The following ADAMTS13 variants were observed in gnomAD, a reference collection of about 807,000 sequenced individuals.
The protein encoded by ADAMTS13 is ADAM metallopeptidase with thrombospondin type 1 motif 13.
Under a neutral mutation model 155.1 loss-of-function variants are expected in ADAMTS13, and 110 were observed. That is an observed-to-expected ratio of 0.71 (90% CI 0.61 to 0.83). The LOEUF is 0.83. ADAMTS13 is among the 40% of genes least tolerant of loss of function. ADAMTS13 has a pLI of 0.00. For synonymous variants in ADAMTS13, 758 were observed against 756.4 expected, an observed-to-expected ratio of 1.00 and a Z score of -0.03; for missense variants, 1,707 against 1,891.7, an observed-to-expected ratio of 0.90 and a Z score of 1.81.
intron 7 of ADAMTS13, among the ~76,000 whole-genome samples, chr9:133,429,378 C>T (rs1461068240): frequency 2.0e-5 from 3 of 146,904 alleles, no homozygotes; most frequent in East Asian, 2.0e-4. Flanking sequence ...CCCCATCCCG[C>T]CCCTTGACTC....
Position 133,425,983 on chromosome 9 carries a change from G to A in ADAMTS13, c.460G>A (p.Val154Ile), listed in dbSNP as rs369026148. Reference sequence around the variant, plus strand: ...CAACCTCACCTCGTCCCTGCTGAGCGTCTGTGGGTGGAGCCAGACCATCAA... The same window carrying A: ...CAACCTCACCTCGTCCCTGCTGAGCATCTGTGGGTGGAGCCAGACCATCAA... The part of the protein sequence containing the change: ...TANLTSSLLS[V>I]CGWSQTINPE... Residue 154 changes from valine to isoleucine, a missense_variant, in exon 5 of 29, where the codon GTC becomes ATC. Physicochemically the swap from Val to Ile is conservative, Grantham distance 29. Transcript: ENST00000355699. This position sits in a 1 kb window ranked among gnomAD's most constrained non-coding sequence, Gnocchi z 4.6. The A allele has an allele frequency of 1.5e-5, 24 of 1,613,866 alleles. No homozygotes were observed. The highest frequency in any genetic ancestry group is 1.7e-5 in the Non-Finnish European group (20 of 1,180,056).
At position 133,442,705 on chromosome 9, in the gene ADAMTS13, G is replaced by A. The variant is rs781888677; in HGVS notation, c.2196G>A (p.Ala732=). ...GCCAAGGGAGCCAGCAGCCACCAGC[G>A]TGGCCAGAGGCCTGCGTGCTCGAAC... The part of the protein sequence containing the change: ...VQCQGSQQPP[A]WPEACVLEPC... Residue 732 remains alanine (A), a synonymous_variant, in exon 18 of 29, where the codon GCG becomes GCA. Transcript: ENST00000355699. 1.4e-5 allele frequency: 22 copies of A among 1,612,958 alleles called. No homozygotes were observed. In the South Asian group the frequency reaches 1.5e-4, roughly 11 times the overall value.
chr9:133,450,065 A>G (rs1842339224), intron 23 of ADAMTS13, 100 bp downstream of exon 23: 1 of 1,418,482 alleles, frequency 7.0e-7, no homozygotes, highest in African/African-American at 1.4e-5. Context: ...TGGAAAGCTG[A>G]ATCAGGAGAA....
intron 23 of ADAMTS13, 83 bp downstream of exon 23, chr9:133,450,048 A>G (rs1842338463): frequency 6.7e-7 from 1 of 1,487,912 alleles, no homozygotes; most frequent in South Asian, 1.2e-5. Context: ...CTGTAATCGC[A>G]GCTACTTGGA....
At chr9:133,422,264 A>C (rs1840000937), upstream of ADAMTS13, 5 of 634,992 alleles carry the variant, frequency 7.9e-6, no homozygotes, top group Non-Finnish European at 1.4e-5. Context: ...CAGCAGGAGG[A>C]GCTGCAGGCC....
Position 133,436,883 on chromosome 9 carries a change from G to T in ADAMTS13, c.1363G>T (p.Gly455Cys), listed in dbSNP as rs587613923. 2 of 1,586,976 alleles carry T rather than the reference G, an allele frequency of 1.3e-6. No homozygotes were observed. Among genetic ancestry groups the T allele is most frequent in the Non-Finnish European group, 1.7e-6 (2 of 1,167,700 alleles). The change falls in exon 12 of 29, where the codon GGC (glycine) becomes TGC (cysteine). Residue 455 changes from glycine to cysteine, a missense_variant. Physicochemically the swap from Gly to Cys is radical, Grantham distance 159. Around this residue, in one of 3 missense-constraint regions of ADAMTS13, gnomAD observed 733 missense variants for 749.6 expected, o/e 0.98. Coordinates refer to ENST00000355699, the MANE Select transcript of ADAMTS13 (RefSeq NM_139027.6). ...FMSQQCARTDGQPLRSSPGGA... is the reference protein window; with the variant it reads ...FMSQQCARTDCQPLRSSPGGA... ...GTCGCAACAGTGCGCCAGGACCGAC[G>T]GCCAGCCGCTGCGCTCCTCCCCTGG... is the stretch of plus-strand genomic sequence containing the variant.
intron 11 of ADAMTS13, among the ~76,000 whole-genome samples, chr9:133,435,533 A>AT (rs71503347): frequency 0.074 from 7,888 of 106,024 alleles, 321 homozygotes; most frequent in Non-Finnish European, 0.11. Flanking sequence ...TTCTTTCTTT[A>AT]TTTTTTTTTT....
rs1840238738 is a variant in ADAMTS13 at position 133,425,748 on chromosome 9, G to GC, written c.414+137dup. The GC allele has an allele frequency of 2.9e-6, 4 of 1,388,598 alleles. No individual in the cohort carries two copies. Among genetic ancestry groups the GC allele is most frequent in the African/African-American group, 1.4e-5 (1 of 69,828 alleles). 86.0% of individuals were successfully genotyped at this position (1,388,598 alleles called of 1,614,324 possible). A position where few individuals can be genotyped will look rare whatever the true frequency, so the allele number is the denominator to read the frequency against. ...AGAATGCATTCAGCCAGACAGACCA[G>GC]CTGCCCTCCCAGCTCTACCCAGCAC... On this transcript the variant is annotated intron_variant, in intron 4 of 28. Transcript: ENST00000355699. The surrounding 1 kb of genome is among the most constrained non-coding windows in gnomAD (Gnocchi z 4.6).
chr9:133,417,784 C>T (rs782165106), upstream of ADAMTS13: 14 of 1,610,468 alleles, frequency 8.7e-6, no homozygotes, highest in African/African-American at 1.3e-5. Flanking sequence ...TTGACAGGAC[C>T]CGGCTTAGCC....
intron 21 of ADAMTS13, among the ~76,000 whole-genome samples, chr9:133,446,352 G>A (rs1027491691): frequency 2.0e-5 from 3 of 152,020 alleles, no homozygotes; most frequent in African/African-American, 7.3e-5. Flanking sequence ...TTCCCCCTCC[G>A]CAGCCCCTGG....
chr9:133,424,326 C>A lies in ADAMTS13; in HGVS notation c.178C>A (p.Pro60Thr), dbSNP rs370611753. Residue 60 changes from proline (P) to threonine (T), a missense_variant, in exon 3 of 29, where the codon CCT (proline) becomes ACT (threonine). Physicochemically the swap from Pro to Thr is conservative, Grantham distance 38. Coordinates refer to ENST00000355699, the MANE Select transcript of ADAMTS13 (RefSeq NM_139027.6). This position sits in a 1 kb window ranked among gnomAD's most constrained non-coding sequence, Gnocchi z 4.3. ...CTCTCCCTCTCCCCCTCCAGGCCGC[C>A]CTCCTTCCCCTGGCTTCCAGAGGCA... ...LSPGAPLKGR[P>T]PSPGFQRQRQ... is the part of the protein sequence containing the mutation. The A allele has an allele frequency of 1.2e-6, 2 of 1,612,612 alleles. No individual in the cohort carries two copies. Among genetic ancestry groups the A allele is most frequent in the African/African-American group, 2.7e-5 (2 of 75,002 alleles).
upstream of ADAMTS13, among the ~76,000 whole-genome samples, chr9:133,418,250 C>G (rs1447625589): frequency 6.6e-6 from 1 of 152,204 alleles, no homozygotes; most frequent in East Asian, 1.9e-4. Flanking sequence ...AACTGGGGGG[C>G]CGCTGTGTGT....
rs782121365 is a variant in ADAMTS13, at chr9:133,444,843, CTG to C, written c.2421-18_2421-17del. On this transcript the variant is annotated intron_variant, in intron 19 of 28. Transcript: ENST00000355699. ...GGGTGGCAGAGGCAGGGCCTGATGACTGTCTCATGCCATCCTCAGGTGGGAGG... is the reference window on the plus strand; with the variant it reads ...GGGTGGCAGAGGCAGGGCCTGATGACTCTCATGCCATCCTCAGGTGGGAGG... 3 of 1,611,822 alleles carry C rather than the reference CTG, an allele frequency of 1.9e-6. No individual in the cohort carries two copies.
chr9:133,441,126 C>T lies in ADAMTS13; in HGVS notation c.1968+601C>T, dbSNP rs1841638369. 6.6e-6 allele frequency among the ~76,000 whole-genome samples: 1 copy of T among 152,162 alleles called. No individual in the cohort carries two copies. The highest frequency in any genetic ancestry group is 1.5e-5 in the Non-Finnish European group (1 of 68,012). On this transcript the variant is annotated intron_variant, in intron 16 of 28. Coordinates refer to ENST00000355699, the MANE Select transcript of ADAMTS13 (RefSeq NM_139027.6). This position sits in a 1 kb window ranked among gnomAD's most constrained non-coding sequence, Gnocchi z 5.0. Reference sequence around the variant, plus strand: ...ACGTGTGCTCGCCCATGTATGTCCCCATTGGTGCTTCGCTGAGGAAGGCAC... The same window carrying T: ...ACGTGTGCTCGCCCATGTATGTCCCTATTGGTGCTTCGCTGAGGAAGGCAC...
At position 133,426,250 on chromosome 9, in the gene ADAMTS13, G is replaced by C; in HGVS notation, c.591G>C (p.Gln197His). 6.2e-7 allele frequency: 1 copy of C among 1,612,896 alleles called. No homozygotes were observed. Among genetic ancestry groups the C allele is most frequent in the Non-Finnish European group, 8.5e-7 (1 of 1,179,998 alleles). ...DGNRQVRGVT[Q>H]LGGACSPTWS... The stretch of plus-strand genomic sequence containing the variant: ...ACCGGCAGGTGCGGGGCGTCACCCA[G>C]CTGGGCGGTGCCTGCTCCCCAACCT... The change falls in exon 6 of 29, where the codon CAG becomes CAC. Residue 197 changes from glutamine to histidine, a missense_variant. This residue lies in a region of ADAMTS13 where 733 missense variants were observed against 749.6 expected (regional missense o/e 0.98). Transcript: ENST00000355699.
chr9:133,458,898 C>A, intron 28 of ADAMTS13, 76 bp from the exon 29 acceptor site: 2 of 1,292,664 alleles, frequency 1.5e-6, no homozygotes, highest in Non-Finnish European at 2.2e-6. Flanking sequence ...ATCTGTGAGC[C>A]CTTGCACACG....
chr9:133,455,779 T>C lies in ADAMTS13; in HGVS notation c.3401-290T>C. The C allele has an allele frequency of 3.2e-6, 3 of 930,272 alleles. No individual in the cohort carries two copies. The South Asian group carries it at 4.5e-5, about 14-fold the overall frequency. The allele number at this position is 930,272 out of a possible 1,614,324, so 57.6% of individuals were successfully genotyped here. On this transcript the variant is annotated intron_variant, in intron 25 of 28. Coordinates refer to ENST00000355699, the MANE Select transcript of ADAMTS13 (RefSeq NM_139027.6). ...AAGCAAAACCTCCCTTTTACTACTA[T>C]CAAGGGGAAGTAACTTGAAGGTAGG...
chr9:133,459,022 GT>G lies in ADAMTS13; in HGVS notation c.3959del (p.Val1320GlyfsTer20). On this transcript the variant is annotated frameshift_variant, in exon 29 of 29. Transcript: ENST00000355699. LOFTEE classifies it low-confidence loss of function (END_TRUNC). ...GACCACAGCGTTCCATGGGCAGCAG[GT>G]GCTCTACTGGGAGTCAGAGAGCAGC... ...LRTTAFHGQQ[V>X]LYWESESSQA... The G allele has an allele frequency of 6.2e-7, 1 of 1,613,250 alleles. No homozygotes were observed. Among genetic ancestry groups the G allele is most frequent in the Non-Finnish European group, 8.5e-7 (1 of 1,180,018 alleles).
At chr9:133,434,738 CAGTACTCTGG>C (rs1240704254) in intron 11 of ADAMTS13, among the ~76,000 whole-genome samples, 3 of 152,210 alleles carry the variant, frequency 2.0e-5, no homozygotes, top group Non-Finnish European at 4.4e-5. Context: ...AGAACGTTTC[CAGTACTCTGG>C]AGTACTCTGG....
Sources: gnomAD v4.1 joint callset for allele counts (sites outside exome capture counted in the v4.1 genomes callset) on GRCh38, gnomAD v4.1.1 for gene constraint, gnomAD v4.1.1 regional missense constraint, Gnocchi (gnomAD v3.1) non-coding constraint, MANE v1.5 for transcripts, NCBI Gene and HGNC (gene_info 2026-07-23, HGNC 2026-07-21) for gene names.